Variants in PCDH15 observed in about 807,000 individuals in gnomAD.
PCDH15 encodes protocadherin-15.
PCDH15 carries 129 observed loss-of-function variants against 178.5 expected under a neutral mutation model. The ratio of observed to expected loss-of-function variants is 0.72; its 90% CI spans 0.63 to 0.84. PCDH15 has a LOEUF of 0.84. PCDH15 is among the 40% of genes least tolerant of loss of function. The pLI, the probability that PCDH15 is intolerant of heterozygous loss-of-function variation, is 0.00. For synonymous variants in PCDH15, 800 were observed against 732.0 expected, an observed-to-expected ratio of 1.09 and a Z score of -1.50; for missense variants, 2,230 against 2,099.9, an observed-to-expected ratio of 1.06 and a Z score of -1.21.
rs373574537 is a variant in PCDH15, at chr10:55,169,080, C to A, written c.-155-2429G>T. On this transcript the variant is annotated intron_variant, in intron 1 of 5. Coordinates refer to the PCDH15 transcript ENST00000458638. ...TTTCTAGATTGATATTTCAACAGTA[C>A]CGTTCTGGAGTTCTACCTAATACCG... Among the ~76,000 whole-genome samples, 35 of 152,140 alleles carry A rather than the reference C, an allele frequency of 2.3e-4. No homozygotes were observed. In the South Asian group the frequency reaches 7.3e-3, roughly 32 times the overall value.
At chr10:55,525,692 T>A (rs1394428638) in intron 2 of PCDH15, among the ~76,000 whole-genome samples, 1 of 151,938 alleles carries the variant, frequency 6.6e-6, no homozygotes, top group Non-Finnish European at 1.5e-5. Context: ...ACTTTGCAAT[T>A]TGACAGACAA....
intron 2 of PCDH15, among the ~76,000 whole-genome samples, chr10:55,416,872 A>ATTGC (rs1838496605): frequency 6.6e-6 from 1 of 151,478 alleles, no homozygotes; most frequent in Non-Finnish European, 1.5e-5. Flanking sequence ...CTGAGATCTT[A>ATTGC]ATTTGTGAGT....
intron 2 of PCDH15, among the ~76,000 whole-genome samples, chr10:55,006,369 C>A (rs1182374574): frequency 6.6e-6 from 1 of 152,030 alleles, no homozygotes; most frequent in Admixed American, 6.6e-5. Flanking sequence ...TCCAAATCAA[C>A]CACCAAAATA....
At chr10:54,954,307 C>T (rs769895143) in intron 2 of PCDH15, among the ~76,000 whole-genome samples, 3 of 151,166 alleles carry the variant, frequency 2.0e-5, no homozygotes, top group Non-Finnish European at 3.0e-5. Context: ...ACATCCTTTC[C>T]TTCTGGGCTT....
intron 2 of PCDH15, among the ~76,000 whole-genome samples, chr10:55,616,566 A>G (rs954076930): frequency 3.3e-5 from 5 of 151,892 alleles, no homozygotes; most frequent in Non-Finnish European, 7.4e-5. Flanking sequence ...GAAATTTGTA[A>G]TGAGAAATAA....
At chr10:54,107,302 A>G (rs2135722) in intron 15 of PCDH15, among the ~76,000 whole-genome samples, 86,706 of 152,074 alleles carry the variant, frequency 0.57, 25,595 homozygotes, top group Middle Eastern at 0.67. Flanking sequence ...TCATAAATAT[A>G]TGTATGCTTC....
At chr10:54,555,335 T>G (rs947541233) in intron 2 of PCDH15, among the ~76,000 whole-genome samples, 1 of 152,194 alleles carries the variant, frequency 6.6e-6, no homozygotes, top group Non-Finnish European at 1.5e-5. Context: ...TTTGCTCATT[T>G]GAGACAGCAC....
chr10:54,620,561 C>A (rs1019236485), intron 2 of PCDH15, among the ~76,000 whole-genome samples: 5 of 151,990 alleles, frequency 3.3e-5, no homozygotes, highest in African/African-American at 1.2e-4. Flanking sequence ...CAGCCTGCAT[C>A]AGCACATTTA....
chr10:55,617,628 A>G (rs4935137), intron 2 of PCDH15, among the ~76,000 whole-genome samples: 48,859 of 151,826 alleles, frequency 0.32, 8,277 homozygotes, highest in African/African-American at 0.44. Context: ...ATATCCAGAT[A>G]AACTATATTG....
chr10:54,659,758 A>AG (rs900850272), intron 2 of PCDH15, among the ~76,000 whole-genome samples: 24 of 123,746 alleles, frequency 1.9e-4, no homozygotes, highest in African/African-American at 5.7e-4. Context: ...TGTCTCAAAA[A>AG]AAAAAAAAAA....
At chr10:54,804,245 T>C (rs1255973683), upstream of PCDH15, among the ~76,000 whole-genome samples, 1 of 152,154 alleles carries the variant, frequency 6.6e-6, no homozygotes, top group Non-Finnish European at 1.5e-5. Context: ...TTCACCATGT[T>C]AGCCAGGATG....
At chr10:53,849,121 TAC>T (rs2078173628) in intron 28 of PCDH15, among the ~76,000 whole-genome samples, 1 of 152,126 alleles carries the variant, frequency 6.6e-6, no homozygotes, top group African/African-American at 2.4e-5. Flanking sequence ...AAAGTTTGAA[TAC>T]TAAAAAAGTA....
chr10:54,440,797 G>A (rs190631254), intron 3 of PCDH15, among the ~76,000 whole-genome samples: 122 of 151,696 alleles, frequency 8.0e-4, no homozygotes, highest in African/African-American at 2.6e-3. Flanking sequence ...ACTCTATGTC[G>A]GAAGTAAAAT....
chr10:54,390,283 C>CTTTTG (rs71007847), intron 3 of PCDH15, among the ~76,000 whole-genome samples: 14 of 150,852 alleles, frequency 9.3e-5, no homozygotes, highest in African/African-American at 1.9e-4. Context: ...TGACCTATAC[C>CTTTTG]TTTTGTTTTG....
At chr10:55,033,154 C>A (rs187132767) in intron 2 of PCDH15, among the ~76,000 whole-genome samples, 1 of 152,110 alleles carries the variant, frequency 6.6e-6, no homozygotes, top group Non-Finnish European at 1.5e-5. Context: ...AATTTTGTCA[C>A]GGGCGGGAGC....
In PCDH15 at chr10:54,384,630, T is replaced by C. The variant is rs553060792; in HGVS notation, c.158-5688A>G. On this transcript the variant is annotated intron_variant, in intron 3 of 37. Coordinates refer to ENST00000644397, the MANE Select transcript of PCDH15 (RefSeq NM_001384140.1). ...ATTTATCAACATCACAGTAGTTTAA[T>C]TATTAAAGATTGCATATATAGTACT... 3.0e-4 allele frequency among the ~76,000 whole-genome samples: 46 copies of C among 152,264 alleles called. No individual in the cohort carries two copies. The Middle Eastern group carries it at 0.01, about 34-fold the overall frequency.
chr10:55,146,713 A>G (rs1200067420), intron 2 of PCDH15, among the ~76,000 whole-genome samples: 1 of 151,982 alleles, frequency 6.6e-6, no homozygotes, highest in African/African-American at 2.4e-5. Flanking sequence ...TGAAAGTATC[A>G]TGGCCATTAT....
At chr10:54,844,332 A>T (rs1275670420) in intron 3 of PCDH15, among the ~76,000 whole-genome samples, 1 of 152,046 alleles carries the variant, frequency 6.6e-6, no homozygotes, top group Non-Finnish European at 1.5e-5. Flanking sequence ...TTTTGAGGAG[A>T]TGCTAGAACT....
At chr10:54,877,262 T>A (rs1469871506) in intron 3 of PCDH15, among the ~76,000 whole-genome samples, 1 of 152,198 alleles carries the variant, frequency 6.6e-6, no homozygotes, top group African/African-American at 2.4e-5. Context: ...AAATTGTGCG[T>A]AACCTCTTTA....
Sources: gnomAD v4.1 joint callset for allele counts (sites outside exome capture counted in the v4.1 genomes callset) on GRCh38, gnomAD v4.1.1 for gene constraint, MANE v1.5 for transcripts, NCBI Gene and HGNC (gene_info 2026-07-23, HGNC 2026-07-21) for gene names.